Variants in TMEM156 observed in about 807,000 individuals in gnomAD.
TMEM156 encodes transmembrane protein 156.
In TMEM156, 28 loss-of-function variants were observed where a neutral mutation model predicts 30.5. The ratio of observed to expected loss-of-function variants is 0.92; its 90% CI spans 0.68 to 1.26. The LOEUF (loss-of-function observed/expected upper bound fraction) is 1.26. TMEM156 is among the 50% of genes most tolerant of loss of function. TMEM156 has a pLI of 0.00. For missense variants in TMEM156, 351 were observed against 340.6 expected (o/e 1.03, Z -0.24); for synonymous variants, 137 against 119.9 (o/e 1.14, Z -0.93).
chr4:38,966,781 C>T lies in TMEM156; in HGVS notation c.*899G>A, dbSNP rs1159356110. 5 of 146,630 alleles carry T rather than the reference C, an allele frequency of 3.4e-5. No individual in the cohort carries two copies. The highest frequency in any genetic ancestry group is 3.9e-4 in the East Asian group (2 of 5,090). The allele number at this position is 146,630 out of a possible 1,614,324, so 9.1% of individuals were successfully genotyped here. Reference sequence around the variant, plus strand: ...AGTACTTAAGTATTTTATTTAAATTCGTTTTATTGGTATCTTTGATTTTTT... The same window carrying T: ...AGTACTTAAGTATTTTATTTAAATTTGTTTTATTGGTATCTTTGATTTTTT... On this transcript the variant is annotated 3_prime_UTR_variant, in exon 7 of 7. Coordinates refer to ENST00000381938, the MANE Select transcript of TMEM156 (RefSeq NM_024943.3).
At chr4:39,004,871 T>C (rs1713619845) in intron 1 of TMEM156, among the ~76,000 whole-genome samples, 1 of 152,084 alleles carries the variant, frequency 6.6e-6, no homozygotes, top group Non-Finnish European at 1.5e-5. Context: ...AAAATTCCAC[T>C]CCTAGAAATT....
At chr4:39,010,267 A>G (rs998544987) in intron 1 of TMEM156, among the ~76,000 whole-genome samples, 19 of 152,234 alleles carry the variant, frequency 1.2e-4, no homozygotes, top group African/African-American at 4.6e-4. Context: ...CAAATAAAAA[A>G]GCATTTCATG....
chr4:38,990,843 T>G (rs866353002), intron 3 of TMEM156, among the ~76,000 whole-genome samples: 6 of 114,800 alleles, frequency 5.2e-5, no homozygotes, highest in South Asian at 2.8e-4. Flanking sequence ...TTTTTTTTTT[T>G]TTTTTTTTTT....
At chr4:38,994,127 AT>A in intron 2 of TMEM156, 129 bp from the exon 3 acceptor site, 1 of 817,794 alleles carries the variant, frequency 1.2e-6, no homozygotes, top group Non-Finnish European at 1.9e-6. Flanking sequence ...TACACTAAAA[AT>A]ATATACATAT....
intron 1 of TMEM156, among the ~76,000 whole-genome samples, chr4:39,010,344 C>T (rs529507751): frequency 3.3e-5 from 5 of 152,188 alleles, no homozygotes; most frequent in South Asian, 4.1e-4. Context: ...ACAGATTCAA[C>T]GCTATTCTTA....
chr4:38,992,735 A>AATAT lies in TMEM156; in HGVS notation c.619+999_619+1002dup, dbSNP rs1560367098. ...TATTATATATATATAATATATATATAATATATAATATATTATATATATATA... is the reference window on the plus strand; with the variant it reads ...TATTATATATATATAATATATATATAATATATATATAATATATTATATATATATA... On this transcript the variant is annotated intron_variant, in intron 3 of 6. Coordinates refer to ENST00000381938, the MANE Select transcript of TMEM156 (RefSeq NM_024943.3). Among the ~76,000 whole-genome samples the AATAT allele has an allele frequency of 8.9e-4, 44 of 49,288 alleles. 1 individual carries two copies. Among genetic ancestry groups the AATAT allele is most frequent in the African/African-American group, 2.9e-3 (43 of 14,750 alleles). 32.3% of individuals were successfully genotyped at this position (49,288 alleles called of 152,430 possible).
At chr4:38,975,850 T>G (rs1722825973) in intron 5 of TMEM156, among the ~76,000 whole-genome samples, 2 of 152,184 alleles carry the variant, frequency 1.3e-5, no homozygotes, top group South Asian at 4.1e-4. Context: ...AAGGCATAGA[T>G]GAAGGGATTT....
At chr4:39,008,083 A>G (rs1191737281) in intron 1 of TMEM156, among the ~76,000 whole-genome samples, 1 of 151,874 alleles carries the variant, frequency 6.6e-6, no homozygotes, top group Non-Finnish European at 1.5e-5. Context: ...TTATAACTTT[A>G]TTTCTTACTT....
At chr4:39,022,158 T>C (rs1443219298) in intron 1 of TMEM156, among the ~76,000 whole-genome samples, 3 of 152,226 alleles carry the variant, frequency 2.0e-5, no homozygotes, top group Non-Finnish European at 4.4e-5. Context: ...ACTACATTCC[T>C]GGATTGGACT....
chr4:38,994,616 G>A (rs901935924), intron 2 of TMEM156, among the ~76,000 whole-genome samples: 4 of 152,052 alleles, frequency 2.6e-5, no homozygotes, highest in Non-Finnish European at 5.9e-5. Flanking sequence ...GTTTTTTAGG[G>A]CTGCTGTAAC....
Position 38,986,373 on chromosome 4 carries a change from C to G in TMEM156, c.786G>C (p.Ser262=), listed in dbSNP as rs1313016904. Residue 262 remains serine, a synonymous_variant, in exon 5 of 7, where the codon TCG becomes TCC. Coordinates refer to ENST00000381938, the MANE Select transcript of TMEM156 (RefSeq NM_024943.3). ...PTSVLLRGSD[S]EKLRALNVQV... ...GCACATTCAATGCTCTCAGTTTCTCCGAATCACTTCCTCTTAAGAGAACAG... is the reference window on the plus strand; with the variant it reads ...GCACATTCAATGCTCTCAGTTTCTCGGAATCACTTCCTCTTAAGAGAACAG... 1 of 1,613,812 alleles carries G rather than the reference C, an allele frequency of 6.2e-7. No individual in the cohort carries two copies. Among genetic ancestry groups the G allele is most frequent in the African/African-American group, 1.3e-5 (1 of 74,988 alleles).
intron 1 of TMEM156, 108 bp downstream of exon 1, chr4:39,032,118 T>G: frequency 1.5e-6 from 1 of 675,512 alleles, no homozygotes; most frequent in Non-Finnish European, 2.6e-6. Flanking sequence ...ATCTAGAACT[T>G]CAGCCTATGC....
chr4:39,017,352 A>AT (rs1378997136), intron 1 of TMEM156, among the ~76,000 whole-genome samples: 13 of 148,020 alleles, frequency 8.8e-5, no homozygotes, highest in Admixed American at 4.8e-4. Flanking sequence ...TTTTTTTTGT[A>AT]TTTTTTTTAG....
chr4:39,027,758 C>CTTTTTTTTT (rs112766367), intron 1 of TMEM156, among the ~76,000 whole-genome samples: 7 of 120,788 alleles, frequency 5.8e-5, no homozygotes, highest in Admixed American at 8.7e-5. Context: ...TTTTCTTTTT[C>CTTTTTTTTT]TTTTTTTTTT....
chr4:39,027,570 T>C (rs1327754431), intron 1 of TMEM156, among the ~76,000 whole-genome samples: 1 of 145,370 alleles, frequency 6.9e-6, no homozygotes, highest in African/African-American at 2.6e-5. Flanking sequence ...TTTTTTTTTT[T>C]TTTGAGACGG....
At chr4:39,012,530 G>T (rs1714189672) in intron 1 of TMEM156, among the ~76,000 whole-genome samples, 1 of 152,242 alleles carries the variant, frequency 6.6e-6, no homozygotes, top group Non-Finnish European at 1.5e-5. Context: ...AGAAGGTCGG[G>T]TGCGGTGGCT....
intron 1 of TMEM156, among the ~76,000 whole-genome samples, chr4:39,008,190 T>C (rs1713876127): frequency 6.6e-6 from 1 of 152,172 alleles, no homozygotes; most frequent in Admixed American, 6.5e-5. Context: ...GTGGGCATTC[T>C]TGCTTGCTCC....
Position 39,002,043 on chromosome 4 carries a change from T to G in TMEM156, c.89-3134A>C, listed in dbSNP as rs1577553857. Among the ~76,000 whole-genome samples, 4 of 135,442 alleles carry G rather than the reference T, an allele frequency of 3.0e-5. No individual in the cohort carries two copies. In the South Asian group the frequency reaches 1.1e-3, roughly 36 times the overall value. 88.9% of individuals were successfully genotyped at this position (135,442 alleles called of 152,430 possible). On this transcript the variant is annotated intron_variant, in intron 1 of 6. Transcript: ENST00000381938. ...ACAAAATTGACAAATGGGATCTAAT[T>G]AAACTAAAGAGCTTCTGCACAGCAA...
At chr4:38,983,112 G>A (rs537512938) in intron 5 of TMEM156, among the ~76,000 whole-genome samples, 1 of 152,308 alleles carries the variant, frequency 6.6e-6, no homozygotes, top group South Asian at 2.1e-4. Flanking sequence ...ACCAGCGGGA[G>A]CATTCTCACC....
Sources: gnomAD v4.1 joint callset for allele counts (sites outside exome capture counted in the v4.1 genomes callset) on GRCh38, gnomAD v4.1.1 for gene constraint, MANE v1.5 for transcripts, NCBI Gene and HGNC (gene_info 2026-07-23, HGNC 2026-07-21) for gene names.